Variants in GLIS3 observed in about 807,000 individuals in gnomAD.
GLIS3 encodes the protein zinc finger protein GLIS3.
A neutral mutation model predicts 78.6 loss-of-function variants in GLIS3; 53 were observed. The ratio of observed to expected loss-of-function variants is 0.67; its 90% CI spans 0.54 to 0.85. The LOEUF is 0.85. Among genes scored for constraint, GLIS3 ranks in the 40% least tolerant of loss-of-function variants. GLIS3 has a pLI of 0.00. For missense variants in GLIS3, 1,703 were observed against 1,231.1 expected (o/e 1.38, Z -5.74); for synonymous variants, 684 against 509.9 (o/e 1.34, Z -4.60).
intron 4 of GLIS3, among the ~76,000 whole-genome samples, chr9:4,015,409 T>C (rs1398859949): frequency 2.0e-5 from 3 of 152,156 alleles, no homozygotes; most frequent in African/African-American, 7.2e-5. Flanking sequence ...ATATTTACAG[T>C]CTAAAAAAGA....
intron 3 of GLIS3, among the ~76,000 whole-genome samples, chr9:4,309,410 G>T (rs1159523851): frequency 6.6e-6 from 1 of 152,150 alleles, no homozygotes; most frequent in Non-Finnish European, 1.5e-5. Context: ...AGTGGTTGGG[G>T]CGGGGGGAGC....
chr9:4,372,289 ACTTT>A, the GLIS3 span, among the ~76,000 whole-genome samples: 1 of 152,008 alleles, frequency 6.6e-6, no homozygotes, highest in Admixed American at 6.5e-5. Context: ...ACTTTTAATA[ACTTT>A]ATTTTTTAAC....
At chr9:3,965,831 G>A (rs1473782902) in intron 4 of GLIS3, among the ~76,000 whole-genome samples, 1 of 152,128 alleles carries the variant, frequency 6.6e-6, no homozygotes, top group Non-Finnish European at 1.5e-5. Flanking sequence ...TAGACCCCAG[G>A]AAACGAAGAG....
intron 9 of GLIS3, among the ~76,000 whole-genome samples, chr9:3,831,905 A>G (rs551739945): frequency 2.0e-3 from 302 of 152,284 alleles, no homozygotes; most frequent in African/African-American, 6.8e-3. Context: ...ATGGATGCCT[A>G]TGTTACAGAA....
chr9:4,093,385 G>A (rs1039087663), intron 4 of GLIS3, among the ~76,000 whole-genome samples: 7 of 152,184 alleles, frequency 4.6e-5, no homozygotes, highest in African/African-American at 1.7e-4. Flanking sequence ...CGTGCACAAG[G>A]GAAGAACCAA....
chr9:4,211,864 T>G (rs543846798), intron 2 of GLIS3, among the ~76,000 whole-genome samples: 1 of 152,366 alleles, frequency 6.6e-6, no homozygotes, highest in African/African-American at 2.4e-5. Flanking sequence ...TACTGATACA[T>G]GCTACAGCAT....
intron 6 of GLIS3, 32 bp downstream of exon 6, chr9:3,932,328 T>C (rs749284894): frequency 4.6e-6 from 7 of 1,515,924 alleles, no homozygotes; most frequent in Non-Finnish European, 5.5e-6. Flanking sequence ...GAACATGCTT[T>C]TCCCGACTGG....
chr9:3,929,044 C>G (rs1013527649), intron 6 of GLIS3, among the ~76,000 whole-genome samples: 2 of 152,138 alleles, frequency 1.3e-5, no homozygotes, highest in African/African-American at 4.8e-5. Context: ...CCTTAGTTTT[C>G]TCTTATTTCA....
intron 7 of GLIS3, among the ~76,000 whole-genome samples, chr9:3,896,372 A>G (rs1358671054): frequency 2.0e-5 from 3 of 152,266 alleles, no homozygotes; most frequent in African/African-American, 7.2e-5. Flanking sequence ...AGGAATAAGG[A>G]AAGAAGTAGG....
chr9:4,382,359 TA>T, the GLIS3 span, among the ~76,000 whole-genome samples: 1 of 151,854 alleles, frequency 6.6e-6, no homozygotes, highest in African/African-American at 2.4e-5. Context: ...GTGTAGGGAA[TA>T]AAATGCCTTT....
intron 2 of GLIS3, among the ~76,000 whole-genome samples, chr9:4,174,082 G>A (rs1275562955): frequency 1.3e-5 from 2 of 152,094 alleles, no homozygotes; most frequent in Non-Finnish European, 2.9e-5. Context: ...TAGTTAAGTA[G>A]GTCAGACTGT....
the GLIS3 span, among the ~76,000 whole-genome samples, chr9:4,431,713 A>G: frequency 2.0e-5 from 3 of 152,104 alleles, no homozygotes; most frequent in Non-Finnish European, 2.9e-5. Context: ...GTGTGGTGGC[A>G]CATGCCTGTA....
At position 4,265,524 on chromosome 9, in the gene GLIS3, C is replaced by A. The variant is rs547344273; in HGVS notation, c.388+20514G>T. ...TGTGCTATATACTGCCTCTATCTGT[C>A]ATTTCCAGAAAGTGGGATGATCAAG... On this transcript the variant is annotated intron_variant, in intron 2 of 10. Coordinates refer to ENST00000381971, the MANE Select transcript of GLIS3 (RefSeq NM_001042413.2). Among the ~76,000 whole-genome samples, 826 of 152,256 alleles carry A rather than the reference C, an allele frequency of 5.4e-3. 9 individuals are homozygous for A. Among genetic ancestry groups the A allele is most frequent in the Non-Finnish European group, 8.2e-3 (556 of 68,026 alleles).
intron 8 of GLIS3, among the ~76,000 whole-genome samples, chr9:3,877,251 T>TA (rs1308992039): frequency 8.8e-5 from 13 of 147,986 alleles, no homozygotes; most frequent in Non-Finnish European, 1.5e-4. Flanking sequence ...ATGCATTTTT[T>TA]TAAAAAAATC....
chr9:3,951,232 T>G (rs1289927698), intron 4 of GLIS3, among the ~76,000 whole-genome samples: 1 of 152,152 alleles, frequency 6.6e-6, no homozygotes, highest in East Asian at 1.9e-4. Context: ...ATCTAAAAAT[T>G]CAAAGCCCAA....
chr9:4,040,955 G>A (rs372955316), intron 4 of GLIS3, among the ~76,000 whole-genome samples: 3 of 152,104 alleles, frequency 2.0e-5, no homozygotes, highest in African/African-American at 7.2e-5. Flanking sequence ...CAGACCCAGG[G>A]AAGGAGAAAG....
intron 2 of GLIS3, among the ~76,000 whole-genome samples, chr9:4,173,934 G>A (rs79027078): frequency 7.3e-5 from 6 of 82,362 alleles, no homozygotes; most frequent in Non-Finnish European, 1.8e-4. Flanking sequence ...ACACACACAC[G>A]CACGCACGCA....
At chr9:4,273,469 T>C (rs1462929106) in intron 2 of GLIS3, among the ~76,000 whole-genome samples, 2 of 152,102 alleles carry the variant, frequency 1.3e-5, no homozygotes, top group African/African-American at 4.8e-5. Context: ...AGCTAATGCC[T>C]GTGGTCCCCA....
chr9:3,874,198 A>G (rs553933043), intron 8 of GLIS3, among the ~76,000 whole-genome samples: 19 of 152,332 alleles, frequency 1.2e-4, no homozygotes, highest in African/African-American at 4.3e-4. Flanking sequence ...ACTCTGAGGG[A>G]AGAGGGGCCA....
Sources: allele counts gnomAD v4.1 joint callset (sites outside exome capture counted in the v4.1 genomes callset), GRCh38; gene constraint gnomAD v4.1.1; transcripts MANE v1.5; gene names NCBI Gene and HGNC (gene_info 2026-07-23, HGNC 2026-07-21).